LRRC8B: variants seen among roughly 807,000 people sequenced by gnomAD.
LRRC8B encodes the protein leucine rich repeat containing 8 VRAC subunit B, also known as volume-regulated anion channel subunit LRRC8B.
A neutral mutation model predicts 58.8 loss-of-function variants in LRRC8B; 23 were observed. That is an observed-to-expected ratio of 0.39 (90% CI 0.28 to 0.55). The LOEUF (loss-of-function observed/expected upper bound fraction) is 0.55. Among genes scored for constraint, LRRC8B ranks in the 20% least tolerant of loss-of-function variants. The pLI, the probability that LRRC8B is intolerant of heterozygous loss-of-function variation, is 0.62. For synonymous variants in LRRC8B, 359 were observed against 374.1 expected, an observed-to-expected ratio of 0.96 and a Z score of 0.47; for missense variants, 694 against 936.0, an observed-to-expected ratio of 0.74 and a Z score of 3.37.
At chr1:89,564,335 TTG>T (rs1244395410) in intron 1 of LRRC8B, among the ~76,000 whole-genome samples, 2 of 152,198 alleles carry the variant, frequency 1.3e-5, no homozygotes, top group Non-Finnish European at 2.9e-5. Flanking sequence ...CATTTTTAAA[TTG>T]TCTCTTTTAG....
intron 5 of LRRC8B, 120 bp from the exon 6 acceptor site, chr1:89,592,651 C>G: frequency 1.2e-6 from 1 of 804,950 alleles, no homozygotes; most frequent in Non-Finnish European, 2.0e-6. Flanking sequence ...TCATTGTAGT[C>G]TGCATCACTT....
intron 1 of LRRC8B, among the ~76,000 whole-genome samples, chr1:89,566,494 C>G (rs1653055152): frequency 6.6e-6 from 1 of 152,214 alleles, no homozygotes; most frequent in Non-Finnish European, 1.5e-5. Context: ...TCCAGTGATT[C>G]CTGCCATAGC....
chr1:89,573,048 C>T (rs1392257049), intron 3 of LRRC8B, among the ~76,000 whole-genome samples: 2 of 152,078 alleles, frequency 1.3e-5, no homozygotes, highest in South Asian at 2.1e-4. Context: ...CGCCTGTAAT[C>T]CCAGCACTTT....
chr1:89,591,945 G>C (rs899688741), intron 5 of LRRC8B, among the ~76,000 whole-genome samples: 2 of 152,166 alleles, frequency 1.3e-5, no homozygotes, highest in African/African-American at 2.4e-5. Flanking sequence ...TTATCCCTCA[G>C]TGAAGTGATG....
chr1:89,565,856 G>A (rs1018024609), intron 1 of LRRC8B, among the ~76,000 whole-genome samples: 1 of 152,198 alleles, frequency 6.6e-6, no homozygotes, highest in African/African-American at 2.4e-5. Context: ...ATATTTGTTC[G>A]CCGTGTTTTT....
chr1:89,533,479 C>G (rs1650292015), intron 1 of LRRC8B, among the ~76,000 whole-genome samples: 2 of 152,122 alleles, frequency 1.3e-5, no homozygotes, highest in South Asian at 4.1e-4. Context: ...TTTGTTCCTT[C>G]CCTCTGTTTG....
At chr1:89,531,198 C>T (rs984757062) in intron 1 of LRRC8B, among the ~76,000 whole-genome samples, 1 of 152,156 alleles carries the variant, frequency 6.6e-6, no homozygotes, top group South Asian at 2.1e-4. Context: ...TAAGCAATGA[C>T]TTGTCTTTCA....
At chr1:89,548,565 G>A (rs552205341) in intron 1 of LRRC8B, among the ~76,000 whole-genome samples, 4 of 152,118 alleles carry the variant, frequency 2.6e-5, no homozygotes, top group Non-Finnish European at 4.4e-5. Context: ...TTCTCTTAAG[G>A]TAACGACAAA....
chr1:89,588,906 T>C (rs1351587092), intron 5 of LRRC8B, among the ~76,000 whole-genome samples: 1 of 152,154 alleles, frequency 6.6e-6, no homozygotes, highest in Non-Finnish European at 1.5e-5. Context: ...CATTTTTAGA[T>C]GGTTGGGGGA....
At chr1:89,555,182 A>G (rs770332505) in intron 1 of LRRC8B, among the ~76,000 whole-genome samples, 4 of 152,170 alleles carry the variant, frequency 2.6e-5, no homozygotes, top group South Asian at 2.1e-4. Context: ...TAGGCATTCT[A>G]TGTGATTCAT....
At chr1:89,572,820 C>G (rs1653564546) in intron 3 of LRRC8B, among the ~76,000 whole-genome samples, 1 of 152,122 alleles carries the variant, frequency 6.6e-6, no homozygotes, top group Non-Finnish European at 1.5e-5. Flanking sequence ...GTTAATATTA[C>G]AAGAATATGG....
rs372033224 is a variant in LRRC8B, at chr1:89,582,914, G to A, written c.264G>A (p.Pro88=). ...CCTCTAATCCTGGGACACCGCTTCC[G>A]CTCCCCCTCCGAATTCAGAATGACC... The part of the protein sequence containing the change: ...NTSSNPGTPL[P]LPLRIQNDLH... The change falls in exon 5 of 6, where the codon CCG becomes CCA. Residue 88 remains proline (P), a synonymous_variant. Transcript: ENST00000330947. 2.6e-5 allele frequency: 42 copies of A among 1,613,938 alleles called. 1 individual carries two copies. The Admixed American group carries it at 3.5e-4, about 13-fold the overall frequency.
chr1:89,560,936 G>A (rs1404724939), intron 1 of LRRC8B, among the ~76,000 whole-genome samples: 5 of 151,958 alleles, frequency 3.3e-5, no homozygotes, highest in Non-Finnish European at 7.4e-5. Flanking sequence ...GGTAATTCTA[G>A]TTCTAGATCC....
intron 1 of LRRC8B, among the ~76,000 whole-genome samples, chr1:89,526,310 G>T (rs1024378334): frequency 6.6e-6 from 1 of 152,196 alleles, no homozygotes; most frequent in Non-Finnish European, 1.5e-5. Context: ...CACCTCCTGG[G>T]TTCAAGTGAT....
At chr1:89,525,287 C>G (rs1265662764) in intron 1 of LRRC8B, among the ~76,000 whole-genome samples, 3 of 152,142 alleles carry the variant, frequency 2.0e-5, no homozygotes, top group Non-Finnish European at 4.4e-5. Context: ...TCATTTGGAG[C>G]AAGAGGTGTG....
chr1:89,564,992 C>T (rs1306489092), intron 1 of LRRC8B, among the ~76,000 whole-genome samples: 2 of 152,166 alleles, frequency 1.3e-5, no homozygotes, highest in Non-Finnish European at 2.9e-5. Flanking sequence ...GCATTATTTA[C>T]GGTGATCATT....
In LRRC8B at chr1:89,582,892, C is replaced by T; in HGVS notation, c.242C>T (p.Ser81Phe). 1 of 1,614,230 alleles carries T rather than the reference C, an allele frequency of 6.2e-7. No homozygotes were observed. The highest frequency in any genetic ancestry group is 8.5e-7 in the Non-Finnish European group (1 of 1,180,038). The change falls in exon 5 of 6, where the codon TCT (serine) becomes TTT (phenylalanine). Residue 81 changes from serine (S) to phenylalanine (F), a missense_variant. This residue lies in a region of LRRC8B where 316 missense variants were observed against 403.8 expected (regional missense o/e 0.78). Transcript: ENST00000330947. ...DILKASMNTS[S>F]NPGTPLPLPL... The stretch of plus-strand genomic sequence containing the variant: ...CTGAAAGCCAGCATGAACACATCCT[C>T]TAATCCTGGGACACCGCTTCCGCTC...
intron 1 of LRRC8B, among the ~76,000 whole-genome samples, chr1:89,562,390 A>G (rs955492754): frequency 1.2e-4 from 18 of 152,154 alleles, no homozygotes; most frequent in Admixed American, 3.3e-4. Context: ...TTATTTTAGG[A>G]AAAAAAATCT....
chr1:89,577,495 T>C (rs1351259944), intron 3 of LRRC8B, among the ~76,000 whole-genome samples: 1 of 152,194 alleles, frequency 6.6e-6, no homozygotes, highest in Non-Finnish European at 1.5e-5. Context: ...ATATTAGAAA[T>C]AGATATTTTA....
Sources: allele counts gnomAD v4.1 joint callset (sites outside exome capture counted in the v4.1 genomes callset), GRCh38; gene constraint gnomAD v4.1.1; regional missense constraint gnomAD v4.1.1; transcripts MANE v1.5; gene names NCBI Gene and HGNC (gene_info 2026-07-23, HGNC 2026-07-21).